SAMD3: variants seen among roughly 807,000 people sequenced by gnomAD.
The protein encoded by SAMD3 is sterile alpha motif domain containing 3.
Under a neutral mutation model 58.5 loss-of-function variants are expected in SAMD3, and 63 were observed. The ratio of observed to expected loss-of-function variants is 1.08; its 90% CI spans 0.88 to 1.33. SAMD3 has a LOEUF of 1.33. Ranked by LOEUF, SAMD3 falls within the 40% of genes most tolerant of loss-of-function variation. The pLI is 0.00. For missense variants in SAMD3, 604 were observed against 608.4 expected (o/e 0.99, Z 0.08); for synonymous variants, 220 against 210.3 (o/e 1.05, Z -0.40).
At position 130,325,996 on chromosome 6, in the gene SAMD3, G is replaced by A. The variant is rs141060594; in HGVS notation, c.-303-12903C>T. The stretch of plus-strand genomic sequence containing the variant: ...CTTACATGACTGCATCTGCCACGTG[G>A]GCAGGGACTTGGTTGATAAACTCAG... On this transcript the variant is annotated intron_variant, in intron 1 of 13. Transcript: ENST00000368134. Among the ~76,000 whole-genome samples, 142 of 152,254 alleles carry A rather than the reference G, an allele frequency of 9.3e-4. 1 individual carries two copies. Among genetic ancestry groups the A allele is most frequent in the African/African-American group, 3.2e-3 (133 of 41,558 alleles).
At position 130,354,925 on chromosome 6, in the gene SAMD3, T is replaced by TA. The variant is rs543105165; in HGVS notation, c.-304+10194dup. Among the ~76,000 whole-genome samples the TA allele has an allele frequency of 5.8e-4, 87 of 150,630 alleles. 1 individual carries two copies. In the South Asian group the frequency reaches 0.014, roughly 24 times the overall value. ...CTAACCTTTTAAACCAGTGCTAAAC[T>TA]AAAAAAAAAGGATATGGCATTCCAG... On this transcript the variant is annotated intron_variant, in intron 1 of 13. Coordinates refer to the SAMD3 transcript ENST00000368134.
At chr6:130,232,776 G>C (rs750700462) in intron 2 of SAMD3, among the ~76,000 whole-genome samples, 1 of 152,134 alleles carries the variant, frequency 6.6e-6, no homozygotes, top group Admixed American at 6.5e-5. Flanking sequence ...AGCATTTATT[G>C]CTCCTTTATT....
chr6:130,326,773 A>G (rs188277214), intron 1 of SAMD3, among the ~76,000 whole-genome samples: 1 of 152,262 alleles, frequency 6.6e-6, no homozygotes, highest in Admixed American at 6.5e-5. Flanking sequence ...GCACTGCACT[A>G]TTCTGGGCAT....
chr6:130,365,284 G>A, exon 1 of SAMD3: 5 of 985,392 alleles, frequency 5.1e-6, no homozygotes, highest in Non-Finnish European at 6.0e-6. Flanking sequence ...CATCCGCACT[G>A]CTCATCGAAG....
At chr6:130,356,071 T>C (rs150425378) in intron 1 of SAMD3, among the ~76,000 whole-genome samples, 1 of 152,238 alleles carries the variant, frequency 6.6e-6, no homozygotes, top group Non-Finnish European at 1.5e-5. Context: ...ATTGTGAAAA[T>C]GCGAATCAGA....
Position 130,295,262 on chromosome 6 carries a change from G to C in SAMD3, c.-188+17716C>G, listed in dbSNP as rs116516207. ...TTTATCAGTCTGTATCAGTTACAAA[G>C]TTTTCAGCTTCAACTGGCATAAACC... On this transcript the variant is annotated intron_variant, in intron 2 of 13. Transcript: ENST00000368134. 2.1e-3 allele frequency among the ~76,000 whole-genome samples: 320 copies of C among 152,184 alleles called. 2 individuals carry two copies. The highest frequency in any genetic ancestry group is 7.2e-3 in the African/African-American group (300 of 41,520).
At chr6:130,247,245 G>T (rs1042011534) in intron 2 of SAMD3, among the ~76,000 whole-genome samples, 1 of 152,144 alleles carries the variant, frequency 6.6e-6, no homozygotes. Flanking sequence ...CGAGGCGGGC[G>T]GATCACCTTA....
intron 1 of SAMD3, among the ~76,000 whole-genome samples, chr6:130,330,485 G>A (rs1776895166): frequency 6.6e-6 from 1 of 152,190 alleles, no homozygotes; most frequent in African/African-American, 2.4e-5. Context: ...TTGGAAGCTG[G>A]TTTACTTAGA....
chr6:130,308,572 T>C (rs941418715), intron 2 of SAMD3, among the ~76,000 whole-genome samples: 33 of 151,962 alleles, frequency 2.2e-4, no homozygotes, highest in Non-Finnish European at 1.0e-4. Flanking sequence ...AAAAGATAGA[T>C]AAAATGAATT....
chr6:130,180,261 C>T (rs1472729804), intron 7 of SAMD3, among the ~76,000 whole-genome samples: 1 of 146,624 alleles, frequency 6.8e-6, no homozygotes, highest in African/African-American at 2.5e-5. Flanking sequence ...GCTGAGACTA[C>T]AGGCTCATGC....
rs9492540 is a variant in SAMD3 at position 130,316,244 on chromosome 6, T to G, written c.-303-3151A>C. ...AGGCGGAGGTTGCAGTGAGCCGAGATCATGGCACTGCATTCCAGCCTAGGC... is the reference window on the plus strand; with the variant it reads ...AGGCGGAGGTTGCAGTGAGCCGAGAGCATGGCACTGCATTCCAGCCTAGGC... On this transcript the variant is annotated intron_variant, in intron 1 of 13. Transcript: ENST00000368134. Among the ~76,000 whole-genome samples, 1,273 of 130,764 alleles carry G rather than the reference T, an allele frequency of 9.7e-3. 18 individuals are homozygous for G. Among genetic ancestry groups the G allele is most frequent in the African/African-American group, 0.036 (1,189 of 33,386 alleles). The allele number at this position is 130,764 out of a possible 152,430, so 85.8% of individuals were successfully genotyped here.
chr6:130,205,101 A>G (rs1794966996), intron 5 of SAMD3, among the ~76,000 whole-genome samples: 1 of 147,166 alleles, frequency 6.8e-6, no homozygotes, highest in South Asian at 2.1e-4. Context: ...ATACCTTTGG[A>G]TTTCTAGCCT....
At chr6:130,338,676 T>G (rs923038190) in intron 1 of SAMD3, among the ~76,000 whole-genome samples, 1 of 152,218 alleles carries the variant, frequency 6.6e-6, no homozygotes, top group Non-Finnish European at 1.5e-5. Flanking sequence ...GAGATTATTT[T>G]AGAGCTTTAA....
intron 1 of SAMD3, among the ~76,000 whole-genome samples, chr6:130,221,204 T>A (rs2114862948): frequency 1.3e-5 from 2 of 152,322 alleles, no homozygotes; most frequent in East Asian, 3.9e-4. Context: ...GTCAATATAT[T>A]TTGTTGGGAT....
chr6:130,166,967 G>A (rs975275525), intron 8 of SAMD3, among the ~76,000 whole-genome samples: 3 of 152,126 alleles, frequency 2.0e-5, no homozygotes, highest in African/African-American at 4.8e-5. Context: ...TTAAGTACAC[G>A]CATGCCTTGA....
intron 1 of SAMD3, among the ~76,000 whole-genome samples, chr6:130,353,419 T>C (rs1036153210): frequency 1.3e-5 from 2 of 152,214 alleles, no homozygotes; most frequent in Non-Finnish European, 2.9e-5. Flanking sequence ...TTTAGGTTAT[T>C]AATTTTTGTA....
chr6:130,293,138 T>C (rs1410251443), intron 2 of SAMD3, among the ~76,000 whole-genome samples: 2 of 152,240 alleles, frequency 1.3e-5, no homozygotes, highest in East Asian at 3.8e-4. Context: ...AACTTGACAG[T>C]TGCATCTATA....
At chr6:130,260,802 C>T (rs1774098332) in intron 2 of SAMD3, among the ~76,000 whole-genome samples, 3 of 152,188 alleles carry the variant, frequency 2.0e-5, no homozygotes, top group Admixed American at 2.0e-4. Context: ...TGTGGCAGCC[C>T]CCTGTGGAGG....
At chr6:130,200,104 G>GA (rs543294842) in intron 5 of SAMD3, among the ~76,000 whole-genome samples, 44 of 147,404 alleles carry the variant, frequency 3.0e-4, no homozygotes, top group East Asian at 1.8e-3. Context: ...AAACAAAGCA[G>GA]AAAAAAAAAA....
Sources: allele counts gnomAD v4.1 joint callset (sites outside exome capture counted in the v4.1 genomes callset), GRCh38; gene constraint gnomAD v4.1.1; transcripts MANE v1.5; gene names NCBI Gene and HGNC (gene_info 2026-07-23, HGNC 2026-07-21).